Variants in B3GALT1 observed in about 807,000 individuals in gnomAD.
The protein encoded by B3GALT1 is UDP-Gal:betaGlcNAc beta 1,3-galactosyltransferase, polypeptide 1.
B3GALT1 carries 10 observed loss-of-function variants against 23.2 expected under a neutral mutation model. That is an observed-to-expected ratio of 0.43 (90% confidence interval 0.27 to 0.73). The LOEUF (loss-of-function observed/expected upper bound fraction) is 0.73. Ranked by LOEUF, B3GALT1 falls within the 30% of genes least tolerant of loss-of-function variation. The pLI is 0.21. For synonymous variants in B3GALT1, 156 were observed against 141.5 expected (o/e 1.10, Z -0.73); for missense variants, 299 against 405.4 (o/e 0.74, Z 2.25).
intron 1 of B3GALT1, among the ~76,000 whole-genome samples, chr2:167,421,041 G>A (rs1448409908): frequency 6.6e-6 from 1 of 152,122 alleles, no homozygotes; most frequent in Non-Finnish European, 1.5e-5. Flanking sequence ...TTTACTGAGT[G>A]GAACAATATA....
chr2:167,478,314 G>A (rs1293235550), intron 1 of B3GALT1, among the ~76,000 whole-genome samples: 3 of 152,080 alleles, frequency 2.0e-5, no homozygotes, highest in Non-Finnish European at 2.9e-5. Flanking sequence ...TTATTAAATG[G>A]GTGAGTTAAT....
In B3GALT1 at chr2:167,350,735, T is replaced by G. The variant is rs555625518; in HGVS notation, c.-511+57401T>G. Among the ~76,000 whole-genome samples, 17 of 152,338 alleles carry G rather than the reference T, an allele frequency of 1.1e-4. No homozygotes were observed. The East Asian group carries it at 3.1e-3, about 28-fold the overall frequency. ...ACAAAGTGGCATGAATGCAGCCACA[T>G]GTTCCGCATGGATATAGCCACGTGG... On this transcript the variant is annotated intron_variant, in intron 1 of 4. Transcript: ENST00000392690.
intron 4 of B3GALT1, among the ~76,000 whole-genome samples, chr2:167,849,391 C>T (rs909334378): frequency 1.3e-5 from 2 of 152,066 alleles, no homozygotes; most frequent in Admixed American, 6.6e-5. Flanking sequence ...GCACATAGAC[C>T]GATGGAACAG....
At chr2:167,681,146 G>A (rs889132303) in intron 3 of B3GALT1, among the ~76,000 whole-genome samples, 4 of 152,122 alleles carry the variant, frequency 2.6e-5, no homozygotes, top group East Asian at 1.9e-4. Flanking sequence ...TGTCAACCGC[G>A]CTGCAGCAAG....
intron 1 of B3GALT1, among the ~76,000 whole-genome samples, chr2:167,375,271 A>G (rs1697745473): frequency 6.6e-6 from 1 of 151,940 alleles, no homozygotes; most frequent in South Asian, 2.1e-4. Flanking sequence ...GTCAGGTAAA[A>G]TGGTATGTCT....
At chr2:167,356,418 A>G (rs1236301151) in intron 1 of B3GALT1, among the ~76,000 whole-genome samples, 2 of 152,152 alleles carry the variant, frequency 1.3e-5, no homozygotes, top group African/African-American at 4.8e-5. Flanking sequence ...AGCATAAAGC[A>G]TGCTGTTTTT....
At chr2:167,723,473 A>C (rs1425613126) in intron 3 of B3GALT1, among the ~76,000 whole-genome samples, 1 of 152,028 alleles carries the variant, frequency 6.6e-6, no homozygotes, top group Non-Finnish European at 1.5e-5. Flanking sequence ...GATTTAATTC[A>C]TTTAAATATT....
At chr2:167,565,201 T>C (rs10197573) in intron 2 of B3GALT1, among the ~76,000 whole-genome samples, 1,807 of 152,216 alleles carry the variant, frequency 0.012, 11 homozygotes, top group Non-Finnish European at 0.019. Context: ...GAAATAATGC[T>C]GCATATCTAC....
At chr2:167,436,851 T>G (rs1406506602) in intron 1 of B3GALT1, among the ~76,000 whole-genome samples, 1 of 152,138 alleles carries the variant, frequency 6.6e-6, no homozygotes, top group Non-Finnish European at 1.5e-5. Flanking sequence ...GTCAGAGGTA[T>G]TATTTCTGAA....
At chr2:167,712,858 A>G in intron 3 of B3GALT1, among the ~76,000 whole-genome samples, 1 of 152,192 alleles carries the variant, frequency 6.6e-6, no homozygotes, top group Non-Finnish European at 1.5e-5. Context: ...AATAGCAGAG[A>G]TTTAGAAAAA....
At chr2:167,645,553 A>ATTTTTT (rs1195110974) in intron 2 of B3GALT1, among the ~76,000 whole-genome samples, 18 of 87,044 alleles carry the variant, frequency 2.1e-4, no homozygotes, top group South Asian at 5.0e-4. Flanking sequence ...ACTGCCAATA[A>ATTTTTT]TTTTTTTTTT....
chr2:167,796,050 G>A (rs967187603), intron 3 of B3GALT1, among the ~76,000 whole-genome samples: 2 of 152,164 alleles, frequency 1.3e-5, no homozygotes, highest in African/African-American at 4.8e-5. Context: ...TTTAGATAGT[G>A]CTCATTATAT....
At chr2:167,857,360 T>A (rs182831769) in intron 4 of B3GALT1, among the ~76,000 whole-genome samples, 2 of 152,088 alleles carry the variant, frequency 1.3e-5, no homozygotes, top group African/African-American at 4.8e-5. Flanking sequence ...GAGTCCAGCA[T>A]AGCCTGAAAG....
At chr2:167,572,221 A>C (rs957997094) in intron 2 of B3GALT1, among the ~76,000 whole-genome samples, 2 of 151,848 alleles carry the variant, frequency 1.3e-5, no homozygotes, top group Non-Finnish European at 2.9e-5. Context: ...TCCTTCTCCA[A>C]ATGTCTGCTT....
chr2:167,714,973 C>A (rs1413241161), intron 3 of B3GALT1: 5 of 1,611,596 alleles, frequency 3.1e-6, no homozygotes, highest in Admixed American at 1.7e-5. Flanking sequence ...TTTCTGACTG[C>A]AAAGATGCTT....
chr2:167,726,528 T>A lies in B3GALT1; in HGVS notation c.-352+79562T>A, dbSNP rs1464673076. On this transcript the variant is annotated intron_variant, in intron 3 of 4. Coordinates refer to ENST00000392690, the MANE Select transcript of B3GALT1 (RefSeq NM_020981.4). ...GTATTCCTCCATTTTAGACTTGGAA[T>A]GTGACAATCCTCCTATTTGGGAATG... 3.3e-5 allele frequency among the ~76,000 whole-genome samples: 5 copies of A among 152,348 alleles called. No homozygotes were observed. In the East Asian group the frequency reaches 9.6e-4, roughly 29 times the overall value.
intron 2 of B3GALT1, among the ~76,000 whole-genome samples, chr2:167,598,843 C>T (rs1684826595): frequency 2.0e-5 from 3 of 152,104 alleles, no homozygotes; most frequent in Non-Finnish European, 2.9e-5. Context: ...TAAGGCTTTT[C>T]ACAATAAACT....
At chr2:167,664,654 G>C (rs1312275487) in intron 3 of B3GALT1, among the ~76,000 whole-genome samples, 2 of 152,152 alleles carry the variant, frequency 1.3e-5, no homozygotes, top group East Asian at 1.9e-4. Context: ...GTGGTTTGTA[G>C]TTCTCCTTAA....
chr2:167,486,862 A>AAGT (rs145486109), intron 1 of B3GALT1, among the ~76,000 whole-genome samples: 7,027 of 152,092 alleles, frequency 0.046, 530 homozygotes, highest in African/African-American at 0.16. Context: ...GAAATTGGAG[A>AAGT]AGAAGGAAAA....
Sources: gnomAD v4.1 joint callset for allele counts (sites outside exome capture counted in the v4.1 genomes callset) on GRCh38, gnomAD v4.1.1 for gene constraint, MANE v1.5 for transcripts, NCBI Gene and HGNC (gene_info 2026-07-23, HGNC 2026-07-21) for gene names.